Variants in DOCK2 observed in about 807,000 individuals in gnomAD.
The protein encoded by DOCK2 is dedicator of cytokinesis protein 2.
Under a neutral mutation model 248.9 loss-of-function variants are expected in DOCK2, and 87 were observed. The ratio of observed to expected loss-of-function variants is 0.35; its 90% CI spans 0.29 to 0.42. DOCK2 has a LOEUF of 0.42. Among genes scored for constraint, DOCK2 ranks in the 10% least tolerant of loss-of-function variants. DOCK2 has a pLI of 1.00. For missense variants in DOCK2, 1,747 were observed against 2,300.2 expected (o/e 0.76, Z 4.92); for synonymous variants, 805 against 821.6 (o/e 0.98, Z 0.35).
At chr5:169,818,873 G>A (rs925407960) in intron 26 of DOCK2, among the ~76,000 whole-genome samples, 2 of 152,058 alleles carry the variant, frequency 1.3e-5, no homozygotes, top group Non-Finnish European at 2.9e-5. Flanking sequence ...GTTCTGGGGG[G>A]CAGAGTCCAA....
chr5:169,999,272 T>G (rs1754753165), intron 30 of DOCK2, among the ~76,000 whole-genome samples: 1 of 152,164 alleles, frequency 6.6e-6, no homozygotes, highest in Non-Finnish European at 1.5e-5. Context: ...AATTACTTCA[T>G]CTCTATGTGC....
At chr5:169,642,650 C>T (rs756823399) in intron 1 of DOCK2, among the ~76,000 whole-genome samples, 21 of 152,124 alleles carry the variant, frequency 1.4e-4, no homozygotes, top group African/African-American at 2.9e-4. Flanking sequence ...TCTTAGGTGC[C>T]GGGGCTTCCT....
At chr5:169,936,762 C>G (rs1776020574) in intron 27 of DOCK2, among the ~76,000 whole-genome samples, 1 of 152,014 alleles carries the variant, frequency 6.6e-6, no homozygotes. Context: ...TGAATAATCT[C>G]TGATCAGAGG....
chr5:169,825,463 C>T (rs965205001), intron 26 of DOCK2, among the ~76,000 whole-genome samples: 2 of 150,952 alleles, frequency 1.3e-5, no homozygotes, highest in African/African-American at 4.9e-5. Flanking sequence ...AGTTCATGTC[C>T]TTTGTAGGGA....
intron 27 of DOCK2, among the ~76,000 whole-genome samples, chr5:169,932,445 G>A (rs1775800440): frequency 6.6e-6 from 1 of 152,146 alleles, no homozygotes; most frequent in Non-Finnish European, 1.5e-5. Flanking sequence ...CTGCCATGTG[G>A]CAAGAGAGAG....
chr5:169,943,553 C>A (rs1238373909), intron 27 of DOCK2, among the ~76,000 whole-genome samples: 1 of 152,190 alleles, frequency 6.6e-6, no homozygotes, highest in East Asian at 1.9e-4. Flanking sequence ...TGGAGAGTTG[C>A]CGTTTTCACA....
At chr5:169,875,877 A>G (rs1403794449) in intron 27 of DOCK2, 2 of 152,430 alleles carry the variant, frequency 1.3e-5, no homozygotes, top group East Asian at 1.9e-4. Context: ...AATTATGAGG[A>G]TTTATTCTGA....
At chr5:169,725,167 C>G (rs2113595443) in intron 22 of DOCK2, among the ~76,000 whole-genome samples, 1 of 152,224 alleles carries the variant, frequency 6.6e-6, no homozygotes, top group Middle Eastern at 3.4e-3. Flanking sequence ...CTGTGTAAGC[C>G]TCTGTTTTTG....
intron 27 of DOCK2, among the ~76,000 whole-genome samples, chr5:169,897,187 G>A (rs1425470633): frequency 2.0e-5 from 3 of 152,072 alleles, no homozygotes; most frequent in Non-Finnish European, 4.4e-5. Context: ...TTGAAGAAAT[G>A]TGAGCTCTTT....
At chr5:170,015,241 A>G (rs1018009242) in intron 32 of DOCK2, among the ~76,000 whole-genome samples, 5 of 152,182 alleles carry the variant, frequency 3.3e-5, no homozygotes, top group Non-Finnish European at 1.5e-5. Flanking sequence ...CTTCGTTTGC[A>G]CTTAAGCTTC....
chr5:169,946,926 G>T (rs1293508351), intron 27 of DOCK2, among the ~76,000 whole-genome samples: 1 of 152,090 alleles, frequency 6.6e-6, no homozygotes, highest in African/African-American at 2.4e-5. Flanking sequence ...GGAAGAGCGT[G>T]GGCAAGGCCC....
At chr5:169,725,242 A>T (rs1762409468) in intron 22 of DOCK2, among the ~76,000 whole-genome samples, 1 of 152,250 alleles carries the variant, frequency 6.6e-6, no homozygotes, top group Admixed American at 6.5e-5. Context: ...ATTGCAGTTA[A>T]TGGAACTATT....
chr5:169,764,683 G>C lies in DOCK2; in HGVS notation c.2554+3058G>C, dbSNP rs112515356. On this transcript the variant is annotated intron_variant, in intron 25 of 51. Coordinates refer to ENST00000520908, the MANE Select transcript of DOCK2 (RefSeq NM_004946.3). The surrounding 1 kb of genome is among the most constrained non-coding windows in gnomAD (Gnocchi z 4.3). The stretch of plus-strand genomic sequence containing the variant: ...GTTTTTCCTGCTGATCCCAATTTCC[G>C]TGCTGACCTTTAAATTCCTTGCAAT... 6.6e-6 allele frequency among the ~76,000 whole-genome samples: 1 copy of C among 152,100 alleles called. No individual in the cohort carries two copies. Among genetic ancestry groups the C allele is most frequent in the South Asian group, 2.1e-4 (1 of 4,824 alleles).
In DOCK2 at chr5:170,082,893, G is replaced by A; in HGVS notation, c.*35G>A. The A allele has an allele frequency of 6.2e-7, 1 of 1,614,002 alleles. No homozygotes were observed. The highest frequency in any genetic ancestry group is 1.1e-5 in the South Asian group (1 of 91,078). On this transcript the variant is annotated 3_prime_UTR_variant, in exon 52 of 52. Coordinates refer to ENST00000520908, the MANE Select transcript of DOCK2 (RefSeq NM_004946.3). ...GACTAGGGCTGCATGGGAGAGCCAG[G>A]GAGGGGAGTTTCTGGAAGAGGAAAG...
intron 27 of DOCK2, among the ~76,000 whole-genome samples, chr5:169,917,136 A>C (rs1774917993): frequency 6.6e-6 from 1 of 152,200 alleles, no homozygotes; most frequent in African/African-American, 2.4e-5. Context: ...GACAAAAGAC[A>C]ACCTTTTTTA....
At chr5:169,758,879 C>G (rs765342719) in intron 23 of DOCK2, among the ~76,000 whole-genome samples, 6 of 152,152 alleles carry the variant, frequency 3.9e-5, no homozygotes, top group Non-Finnish European at 5.9e-5. Context: ...TTACTTGAGT[C>G]TGATTGTTAA....
In DOCK2 at chr5:169,960,728, C is replaced by T. The variant is rs181621630; in HGVS notation, c.2800-22340C>T. On this transcript the variant is annotated intron_variant, in intron 27 of 51. Coordinates refer to ENST00000520908, the MANE Select transcript of DOCK2 (RefSeq NM_004946.3). ...TGGTTTTACTTTCCATGGTTTGTTA[C>T]TTGCAGTTAATTGTGGTCCAAAAAT... Among the ~76,000 whole-genome samples, 77 of 152,276 alleles carry T rather than the reference C, an allele frequency of 5.1e-4. 1 individual carries two copies. The highest frequency in any genetic ancestry group is 9.6e-4 in the Non-Finnish European group (65 of 68,018).
At chr5:169,663,273 GCAGGGTA>G (rs1758545260) in intron 2 of DOCK2, among the ~76,000 whole-genome samples, 1 of 152,230 alleles carries the variant, frequency 6.6e-6, no homozygotes, top group South Asian at 2.1e-4. Flanking sequence ...CTGTGGCATT[GCAGGGTA>G]CAGACCCCAC....
At chr5:169,718,824 G>A (rs1450657495) in intron 22 of DOCK2, 33 bp downstream of exon 22, 1 of 1,594,170 alleles carries the variant, frequency 6.3e-7, no homozygotes, top group South Asian at 1.1e-5. Flanking sequence ...TGATTGATTA[G>A]CTCTGCAATT....
Sources: allele counts gnomAD v4.1 joint callset (sites outside exome capture counted in the v4.1 genomes callset), GRCh38; gene constraint gnomAD v4.1.1; non-coding constraint Gnocchi (gnomAD v3.1); transcripts MANE v1.5; gene names NCBI Gene and HGNC (gene_info 2026-07-23, HGNC 2026-07-21).